The following TRAF3 variants were observed in gnomAD, a reference collection of about 807,000 sequenced individuals.
The protein encoded by TRAF3 is TNF receptor associated factor 3.
Under a neutral mutation model 62.3 loss-of-function variants are expected in TRAF3, and 13 were observed. The observed-to-expected ratio is 0.21, with a 90% CI of 0.14 to 0.33. The LOEUF is 0.33. Ranked by LOEUF, TRAF3 falls within the 10% of genes least tolerant of loss-of-function variation. TRAF3 has a pLI of 1.00. For synonymous variants in TRAF3, 269 were observed against 283.4 expected (o/e 0.95, Z 0.51); for missense variants, 440 against 741.8 (o/e 0.59, Z 4.73).
At chr14:102,801,021 C>A (rs1463262360) in intron 1 of TRAF3, among the ~76,000 whole-genome samples, 1 of 152,074 alleles carries the variant, frequency 6.6e-6, no homozygotes, top group Non-Finnish European at 1.5e-5. Flanking sequence ...AAAAAATTAG[C>A]CGGGCGCAGT....
intron 1 of TRAF3, among the ~76,000 whole-genome samples, chr14:102,805,087 T>C (rs1898689710): frequency 6.6e-6 from 1 of 152,218 alleles, no homozygotes; most frequent in Admixed American, 6.5e-5. Context: ...TTTTGGTGCT[T>C]AAGGGAGTAT....
chr14:102,788,793 A>G (rs1298431770), intron 1 of TRAF3, among the ~76,000 whole-genome samples: 1 of 143,576 alleles, frequency 7.0e-6, no homozygotes, highest in African/African-American at 2.5e-5. Context: ...GCAAGACTCC[A>G]TCTCAAAACA....
chr14:102,878,418 G>A (rs545300860), intron 6 of TRAF3, among the ~76,000 whole-genome samples: 1 of 151,570 alleles, frequency 6.6e-6, no homozygotes, highest in Admixed American at 6.6e-5. Flanking sequence ...GTGTGTGAAT[G>A]TGGGTGTGTG....
At chr14:102,822,616 G>A (rs1039571247) in intron 1 of TRAF3, among the ~76,000 whole-genome samples, 6 of 152,064 alleles carry the variant, frequency 3.9e-5, no homozygotes, top group Admixed American at 6.5e-5. Flanking sequence ...TGAACTTTTG[G>A]GTCACAATAA....
intron 2 of TRAF3, among the ~76,000 whole-genome samples, chr14:102,861,114 C>T (rs888597744): frequency 2.6e-4 from 40 of 152,372 alleles, no homozygotes; most frequent in African/African-American, 9.6e-4. Context: ...GACACTGAAT[C>T]AGAAGTTCAG....
intron 2 of TRAF3, among the ~76,000 whole-genome samples, chr14:102,860,884 G>T (rs543551154): frequency 6.6e-6 from 1 of 152,242 alleles, no homozygotes; most frequent in Non-Finnish European, 1.5e-5. Flanking sequence ...AATCCCTGTT[G>T]CCTGGAAGGC....
chr14:102,867,916 C>T (rs139430457), intron 2 of TRAF3, among the ~76,000 whole-genome samples: 16 of 152,318 alleles, frequency 1.1e-4, no homozygotes, highest in African/African-American at 3.6e-4. Context: ...CCAGTTCATC[C>T]ATCTCTCAAA....
chr14:102,876,262 A>G (rs1476413382), intron 5 of TRAF3, 96 bp from the exon 6 acceptor site: 3 of 1,398,694 alleles, frequency 2.1e-6, no homozygotes, highest in East Asian at 4.7e-5. Flanking sequence ...GATGAGAAAC[A>G]TTTCTTTAGG....
intron 2 of TRAF3, among the ~76,000 whole-genome samples, chr14:102,859,474 T>A (rs1325770361): frequency 6.6e-6 from 1 of 152,236 alleles, no homozygotes; most frequent in Non-Finnish European, 1.5e-5. Context: ...TCCCTAGGCC[T>A]TACCTAGAAT....
At chr14:102,854,962 A>G (rs1887279621) in intron 2 of TRAF3, among the ~76,000 whole-genome samples, 1 of 152,030 alleles carries the variant, frequency 6.6e-6, no homozygotes, top group Non-Finnish European at 1.5e-5. Flanking sequence ...TCGTTCCCAA[A>G]AGGAAACCCC....
intron 7 of TRAF3, among the ~76,000 whole-genome samples, chr14:102,886,883 A>T (rs903917342): frequency 1.3e-5 from 2 of 152,214 alleles, no homozygotes; most frequent in Non-Finnish European, 2.9e-5. Context: ...AGCAATTTTA[A>T]CTCTATAGAA....
At chr14:102,782,849 A>G (rs1897323336) in intron 1 of TRAF3, among the ~76,000 whole-genome samples, 1 of 152,038 alleles carries the variant, frequency 6.6e-6, no homozygotes, top group Non-Finnish European at 1.5e-5. Context: ...CCAAAAGCGT[A>G]TTTATTGGAA....
intron 1 of TRAF3, among the ~76,000 whole-genome samples, chr14:102,783,453 A>G (rs1484462705): frequency 1.3e-5 from 2 of 152,202 alleles, no homozygotes; most frequent in African/African-American, 2.4e-5. Flanking sequence ...TTATAACTTT[A>G]TGCTGGAAAT....
At position 102,876,371 on chromosome 14, in the gene TRAF3, A is replaced by G; in HGVS notation, c.416A>G (p.Asn139Ser). The change falls in exon 6 of 12, where the codon AAT becomes AGT. Residue 139 changes from asparagine (N) to serine (S), a missense_variant. This residue lies in a region of TRAF3 where 255 missense variants were observed against 424.1 expected (regional missense o/e 0.60). Transcript: ENST00000392745. ...MLGHLLVHLK[N>S]DCHFEELPCV... Reference sequence around the variant, plus strand: ...TCTGTCTTACAGGTGCATTTAAAAAATGATTGCCATTTTGAAGAACTTCCA... The same window carrying G: ...TCTGTCTTACAGGTGCATTTAAAAAGTGATTGCCATTTTGAAGAACTTCCA... 1.9e-6 allele frequency: 3 copies of G among 1,614,212 alleles called. No homozygotes were observed. The highest frequency in any genetic ancestry group is 2.5e-6 in the Non-Finnish European group (3 of 1,180,024).
chr14:102,854,978 C>T (rs527391357), intron 2 of TRAF3, among the ~76,000 whole-genome samples: 1 of 151,768 alleles, frequency 6.6e-6, no homozygotes, highest in Non-Finnish European at 1.5e-5. Flanking sequence ...ACCCCATACC[C>T]ATAAGCAGTG....
chr14:102,896,177 C>T (rs1360843584), intron 9 of TRAF3, among the ~76,000 whole-genome samples: 2 of 152,142 alleles, frequency 1.3e-5, no homozygotes, highest in African/African-American at 4.8e-5. Flanking sequence ...AAAATCTGCT[C>T]CCCCAGCAGT....
intron 1 of TRAF3, among the ~76,000 whole-genome samples, chr14:102,802,237 C>G (rs1898481343): frequency 1.4e-5 from 2 of 142,172 alleles, no homozygotes; most frequent in African/African-American, 5.1e-5. Context: ...TCACTGCAAC[C>G]TCCGCCTCCC....
chr14:102,898,511 C>G (rs946125504), intron 10 of TRAF3, among the ~76,000 whole-genome samples: 1 of 152,240 alleles, frequency 6.6e-6, no homozygotes, highest in African/African-American at 2.4e-5. Context: ...TGTGGCCCGC[C>G]TGCACCTGCG....
chr14:102,896,708 A>C (rs1388405035), intron 9 of TRAF3, among the ~76,000 whole-genome samples: 1 of 152,188 alleles, frequency 6.6e-6, no homozygotes, highest in Non-Finnish European at 1.5e-5. Flanking sequence ...CAGCCGCTGC[A>C]CTTTGCCTCA....
Sources: allele counts gnomAD v4.1 joint callset (sites outside exome capture counted in the v4.1 genomes callset), GRCh38; gene constraint gnomAD v4.1.1; regional missense constraint gnomAD v4.1.1; transcripts MANE v1.5; gene names NCBI Gene and HGNC (gene_info 2026-07-23, HGNC 2026-07-21).